Variants in ARHGAP26 observed in about 807,000 individuals in gnomAD.
ARHGAP26 encodes rho GTPase-activating protein 26.
A neutral mutation model predicts 104.8 loss-of-function variants in ARHGAP26; 38 were observed. The ratio of observed to expected loss-of-function variants is 0.36; its 90% CI spans 0.28 to 0.48. ARHGAP26 has a LOEUF of 0.48. Among genes scored for constraint, ARHGAP26 ranks in the 20% least tolerant of loss-of-function variants. The pLI, the probability that ARHGAP26 is intolerant of heterozygous loss-of-function variation, is 0.99. For synonymous variants in ARHGAP26, 341 were observed against 340.0 expected (o/e 1.00, Z -0.03); for missense variants, 704 against 947.9 (o/e 0.74, Z 3.38).
intron 17 of ARHGAP26, among the ~76,000 whole-genome samples, chr5:143,063,280 C>G (rs1787006449): frequency 6.6e-6 from 1 of 152,210 alleles, no homozygotes; most frequent in African/African-American, 2.4e-5. Context: ...CTCCTGTAGT[C>G]CAAGCTGCCA....
intron 12 of ARHGAP26, among the ~76,000 whole-genome samples, chr5:143,024,773 C>T (rs946756346): frequency 5.3e-5 from 8 of 152,144 alleles, no homozygotes; most frequent in Non-Finnish European, 8.8e-5. Context: ...TCACTCCCTG[C>T]ACTGATCAGA....
intron 1 of ARHGAP26, among the ~76,000 whole-genome samples, chr5:142,773,856 GGTAA>G (rs1254158975): frequency 2.0e-5 from 3 of 152,138 alleles, no homozygotes; most frequent in African/African-American, 7.2e-5. Context: ...GATTCAGTAA[GGTAA>G]GTAAGTGGTT....
At position 143,143,078 on chromosome 5, in the gene ARHGAP26, C is replaced by CT. The variant is rs3836772; in HGVS notation, c.1838-4151dup. On this transcript the variant is annotated intron_variant, in intron 19 of 22. Transcript: ENST00000645722. ...TGAGATGCTGTTAAAGAACAGTCCT[C>CT]TTGCCTCTTCTTTTTGCCCTCTACT... Among the ~76,000 whole-genome samples the CT allele has an allele frequency of 1.7e-3, 258 of 152,294 alleles. 5 individuals are homozygous for CT. The East Asian group carries it at 0.04, about 24-fold the overall frequency.
At chr5:142,957,741 C>T (rs1382385441) in intron 11 of ARHGAP26, among the ~76,000 whole-genome samples, 1 of 152,224 alleles carries the variant, frequency 6.6e-6, no homozygotes, top group Admixed American at 6.5e-5. Context: ...CTGCCATGAC[C>T]CAGAGTTCAG....
At position 142,963,187 on chromosome 5, in the gene ARHGAP26, T is replaced by TATATATATATATATACAC. The variant is rs1562164634; in HGVS notation, c.1107+31074_1107+31075insATACACATATATATATAT. Among the ~76,000 whole-genome samples the TATATATATATATATACAC allele has an allele frequency of 7.8e-4, 75 of 96,156 alleles. 2 individuals carry two copies. The highest frequency in any genetic ancestry group is 3.9e-3 in the African/African-American group (68 of 17,608). The allele number at this position is 96,156 out of a possible 152,430, so 63.1% of individuals were successfully genotyped here. A position where few individuals can be genotyped will look rare whatever the true frequency, so the allele number is the denominator to read the frequency against. The stretch of plus-strand genomic sequence containing the variant: ...TGGTATATATGTATATATATATATA[T>TATATATATATATATACAC]ATATATATATATGTGTGTGTGTGTG... On this transcript the variant is annotated intron_variant, in intron 11 of 22. Transcript: ENST00000645722.
At chr5:143,066,549 G>A (rs1787520386) in intron 17 of ARHGAP26, among the ~76,000 whole-genome samples, 1 of 152,166 alleles carries the variant, frequency 6.6e-6, no homozygotes, top group Admixed American at 6.5e-5. Context: ...TCCGGGAACG[G>A]GAGAAAGAAG....
At chr5:142,796,724 A>G (rs1346714742) in intron 1 of ARHGAP26, among the ~76,000 whole-genome samples, 1 of 152,188 alleles carries the variant, frequency 6.6e-6, no homozygotes, top group Non-Finnish European at 1.5e-5. Context: ...GCCTATGTGT[A>G]TAAGCTCTCT....
chr5:143,138,053 C>T (rs1440406430), intron 19 of ARHGAP26, among the ~76,000 whole-genome samples: 1 of 152,162 alleles, frequency 6.6e-6, no homozygotes, highest in African/African-American at 2.4e-5. Flanking sequence ...GGGGTTTTTC[C>T]TACAGTGTGA....
rs1811404922 is a variant in ARHGAP26 at position 143,223,164 on chromosome 5, C to T, written c.*718C>T. The T allele has an allele frequency of 4.3e-6, 1 of 233,536 alleles. No homozygotes were observed. The highest frequency in any genetic ancestry group is 8.5e-6 in the Non-Finnish European group (1 of 117,940). The allele number at this position is 233,536 out of a possible 1,614,324, so 14.5% of individuals were successfully genotyped here. ...ATCCATCGCCTAGTAACCACGGCAA[C>T]CCAACCTACTCTAAAACCAAACCAA... On this transcript the variant is annotated 3_prime_UTR_variant, in exon 23 of 23. Coordinates refer to ENST00000645722, the MANE Select transcript of ARHGAP26 (RefSeq NM_001135608.3).
In ARHGAP26 at chr5:142,772,981, A is replaced by G. The variant is rs894744799; in HGVS notation, c.154+2066A>G. The G allele has an allele frequency of 4.3e-4, 210 of 493,034 alleles. 3 individuals are homozygous for G. The highest frequency in any genetic ancestry group is 3.2e-3 in the South Asian group (209 of 65,966). 30.5% of individuals were successfully genotyped at this position (493,034 alleles called of 1,614,324 possible). A position where few individuals can be genotyped will look rare whatever the true frequency, so the allele number is the denominator to read the frequency against. On this transcript the variant is annotated intron_variant, in intron 1 of 22. Transcript: ENST00000645722. ...GTCTAATGGAATGGATCAGCCCTGT[A>G]ATCTGGAGGAAAGACTGATGGGGAT...
chr5:143,142,297 C>T (rs1233069124), intron 19 of ARHGAP26, among the ~76,000 whole-genome samples: 1 of 151,974 alleles, frequency 6.6e-6, no homozygotes, highest in South Asian at 2.1e-4. Context: ...CGCCACCACG[C>T]CCAGCTAAAT....
chr5:142,884,970 G>A (rs997716381), intron 4 of ARHGAP26, among the ~76,000 whole-genome samples: 1 of 152,126 alleles, frequency 6.6e-6, no homozygotes, highest in African/African-American at 2.4e-5. Flanking sequence ...CCCAACCCCT[G>A]GCTGCCTTCT....
chr5:142,937,928 G>A (rs571538123), intron 11 of ARHGAP26, among the ~76,000 whole-genome samples: 2 of 152,204 alleles, frequency 1.3e-5, no homozygotes, highest in East Asian at 1.9e-4. Flanking sequence ...CAAGTCCTTC[G>A]TGGTGATGGA....
chr5:142,840,115 A>C (rs1770469010), intron 1 of ARHGAP26, among the ~76,000 whole-genome samples: 1 of 152,196 alleles, frequency 6.6e-6, no homozygotes, highest in African/African-American at 2.4e-5. Context: ...TCTTTGAGAT[A>C]TAGAATCTGC....
intron 1 of ARHGAP26, among the ~76,000 whole-genome samples, chr5:142,862,298 G>A (rs78454473): frequency 0.02 from 3,056 of 152,276 alleles, 125 homozygotes; most frequent in East Asian, 0.17. Flanking sequence ...ACTTATAGAC[G>A]TTGAGTTTTC....
At chr5:142,866,715 C>T (rs777158699) in intron 1 of ARHGAP26, 2 of 152,172 alleles carry the variant, frequency 1.3e-5, no homozygotes, top group Non-Finnish European at 2.9e-5. Flanking sequence ...AGAATCAGTG[C>T]TGGTGATGGC....
At chr5:143,085,754 T>A (rs1280178398) in intron 17 of ARHGAP26, among the ~76,000 whole-genome samples, 2 of 152,164 alleles carry the variant, frequency 1.3e-5, no homozygotes, top group Non-Finnish European at 2.9e-5. Context: ...TGCCAAAAGT[T>A]AGCTGAGGAT....
chr5:142,838,243 G>A (rs1302724632), intron 1 of ARHGAP26, among the ~76,000 whole-genome samples: 1 of 151,624 alleles, frequency 6.6e-6, no homozygotes, highest in Non-Finnish European at 1.5e-5. Flanking sequence ...GGGCAAGAGA[G>A]TGAGACTCCA....
At chr5:143,105,647 C>T (rs1793906481) in intron 17 of ARHGAP26, among the ~76,000 whole-genome samples, 1 of 152,086 alleles carries the variant, frequency 6.6e-6, no homozygotes, top group Admixed American at 6.6e-5. Context: ...TGGTACAGGT[C>T]TCATAGCCTT....
Sources: allele counts gnomAD v4.1 joint callset (sites outside exome capture counted in the v4.1 genomes callset), GRCh38; gene constraint gnomAD v4.1.1; transcripts MANE v1.5; gene names NCBI Gene and HGNC (gene_info 2026-07-23, HGNC 2026-07-21).